DDC: variants seen among roughly 807,000 people sequenced by gnomAD.
DDC encodes the protein dopa decarboxylase, also known as aromatic-L-amino-acid decarboxylase.
In DDC, 43 loss-of-function variants were observed where a neutral mutation model predicts 60.0. The observed-to-expected ratio is 0.72, with a 90% CI of 0.56 to 0.92. DDC has a LOEUF of 0.92. Ranked by LOEUF, DDC falls within the 40% of genes least tolerant of loss-of-function variation. The pLI is 0.00. For synonymous variants in DDC, 232 were observed against 234.6 expected (o/e 0.99, Z 0.10); for missense variants, 573 against 620.2 (o/e 0.92, Z 0.81).
intron 7 of DDC, among the ~76,000 whole-genome samples, chr7:50,500,154 G>A (rs2043216548): frequency 6.6e-6 from 1 of 151,940 alleles, no homozygotes; most frequent in Non-Finnish European, 1.5e-5. Flanking sequence ...CACCTCACAG[G>A]GTGGATACCA....
At chr7:50,559,007 A>C (rs1282643831) in intron 1 of DDC, among the ~76,000 whole-genome samples, 1 of 152,190 alleles carries the variant, frequency 6.6e-6, no homozygotes, top group Admixed American at 6.5e-5. Flanking sequence ...GCTGCCCTCC[A>C]TGCCCCAAGA....
chr7:50,474,526 G>T (rs186868408), intron 11 of DDC, among the ~76,000 whole-genome samples: 1 of 152,318 alleles, frequency 6.6e-6, no homozygotes, highest in East Asian at 1.9e-4. Flanking sequence ...TCCTGCAGGC[G>T]GGTGCCAGTA....
intron 1 of DDC, among the ~76,000 whole-genome samples, chr7:50,549,894 A>G (rs56670620): frequency 0.18 from 27,640 of 152,150 alleles, 2,858 homozygotes; most frequent in Admixed American, 0.3. Context: ...GTTGCTTCTC[A>G]TGGATGAGCA....
chr7:50,528,102 T>C (rs1585235375), intron 6 of DDC, 35 bp downstream of exon 6: 1 of 1,610,762 alleles, frequency 6.2e-7, no homozygotes. Context: ...AGTTTCACCT[T>C]ATTGGCCAGG....
chr7:50,532,880 G>A (rs1473830911), intron 4 of DDC, among the ~76,000 whole-genome samples: 1 of 152,194 alleles, frequency 6.6e-6, no homozygotes, highest in Non-Finnish European at 1.5e-5. Context: ...TTAGTGGGGA[G>A]CATGAATGTT....
chr7:50,541,693 G>A lies in DDC; in HGVS notation c.202-1665C>T, dbSNP rs535283162. Among the ~76,000 whole-genome samples, 5 of 152,288 alleles carry A rather than the reference G, an allele frequency of 3.3e-5. 1 individual carries two copies. The East Asian group carries it at 7.7e-4, about 23-fold the overall frequency. On this transcript the variant is annotated intron_variant, in intron 2 of 14. Transcript: ENST00000444124. ...AGACTTCCTGTCTCTAGAACTGTGAGAAATCAATGTTGTTTAAGCCCCCAG... is the reference window on the plus strand; with the variant it reads ...AGACTTCCTGTCTCTAGAACTGTGAAAAATCAATGTTGTTTAAGCCCCCAG...
chr7:50,494,591 GA>G (rs562491116), intron 9 of DDC, among the ~76,000 whole-genome samples: 1,878 of 138,232 alleles, frequency 0.014, 14 homozygotes, highest in African/African-American at 0.022. Flanking sequence ...ACACTGTCTC[GA>G]AAAAAAAAAA....
chr7:50,479,819 G>A lies in DDC; in HGVS notation c.989C>T (p.Pro330Leu). Reference sequence around the variant, plus strand: ...CTGATGGCTGTGCTTCAGGTAAGTGGGGTCCAGTCTAAAGGCTCCCGTTAA... The same window carrying A: ...CTGATGGCTGTGCTTCAGGTAAGTGAGGTCCAGTCTAAAGGCTCCCGTTAA... Reference protein sequence around the residue: ...TDLTGAFRLDPTYLKHSHQDS... With the variant: ...TDLTGAFRLDLTYLKHSHQDS... The change falls in exon 10 of 15, where the codon CCC becomes CTC. Residue 330 changes from proline (P) to leucine (L), a missense_variant. Pro to Leu is a moderately conservative substitution (Grantham distance 98). Coordinates refer to ENST00000444124, the MANE Select transcript of DDC (RefSeq NM_001082971.2). 1.2e-6 allele frequency: 2 copies of A among 1,613,740 alleles called. No individual in the cohort carries two copies. Among genetic ancestry groups the A allele is most frequent in the Non-Finnish European group, 1.7e-6 (2 of 1,180,004 alleles).
intron 9 of DDC, 162 bp from the exon 10 acceptor site, chr7:50,480,025 G>T: frequency 1.5e-6 from 1 of 654,010 alleles, no homozygotes. Flanking sequence ...ACCTGGGGAG[G>T]GCGTCTTAGA....
At chr7:50,466,061 G>A (rs370996641) in intron 13 of DDC, among the ~76,000 whole-genome samples, 4 of 152,334 alleles carry the variant, frequency 2.6e-5, no homozygotes, top group African/African-American at 9.6e-5. Context: ...GGACATAGTA[G>A]GTGGAGTGGC....
intron 6 of DDC, among the ~76,000 whole-genome samples, chr7:50,508,689 A>G (rs996276445): frequency 6.6e-6 from 1 of 152,224 alleles, no homozygotes; most frequent in African/African-American, 2.4e-5. Flanking sequence ...CTTTGAGAAT[A>G]TAATGAAGAC....
At chr7:50,475,182 G>A (rs2042614156) in intron 11 of DDC, among the ~76,000 whole-genome samples, 1 of 152,338 alleles carries the variant, frequency 6.6e-6, no homozygotes, top group African/African-American at 2.4e-5. Flanking sequence ...GAAAGGCCAC[G>A]AACCAGAGGA....
intron 6 of DDC, among the ~76,000 whole-genome samples, chr7:50,513,535 C>G (rs1392899350): frequency 6.6e-6 from 1 of 152,176 alleles, no homozygotes; most frequent in Non-Finnish European, 1.5e-5. Context: ...AGGGGAAAAA[C>G]CAAGCCCTTT....
At chr7:50,549,166 T>C (rs1011699493) in intron 1 of DDC, among the ~76,000 whole-genome samples, 2 of 152,196 alleles carry the variant, frequency 1.3e-5, no homozygotes, top group African/African-American at 4.8e-5. Flanking sequence ...ACAAGGAAAT[T>C]AATGTTTTCA....
chr7:50,548,138 A>T (rs974371942), intron 1 of DDC, among the ~76,000 whole-genome samples: 2 of 152,150 alleles, frequency 1.3e-5, no homozygotes, highest in African/African-American at 2.4e-5. Flanking sequence ...TGAACCACTG[A>T]CCCATTATTC....
At chr7:50,475,693 A>T (rs1202735556) in intron 11 of DDC, among the ~76,000 whole-genome samples, 1 of 144,166 alleles carries the variant, frequency 6.9e-6, no homozygotes, top group East Asian at 2.0e-4. Context: ...GACACAGGTC[A>T]TTTTTTTTTT....
At chr7:50,525,089 T>G (rs575730556) in intron 6 of DDC, among the ~76,000 whole-genome samples, 1 of 152,364 alleles carries the variant, frequency 6.6e-6, no homozygotes, top group East Asian at 1.9e-4. Context: ...TCTTGAAATG[T>G]CACATATTGT....
At chr7:50,526,895 C>T (rs933663894) in intron 6 of DDC, among the ~76,000 whole-genome samples, 2 of 152,134 alleles carry the variant, frequency 1.3e-5, no homozygotes, top group African/African-American at 2.4e-5. Flanking sequence ...TAGTGATAAA[C>T]GATCATTCAC....
chr7:50,477,325 C>A (rs1012005840), intron 10 of DDC, among the ~76,000 whole-genome samples: 1 of 152,200 alleles, frequency 6.6e-6, no homozygotes, highest in Admixed American at 6.5e-5. Flanking sequence ...TGATCCTGCA[C>A]AAGACATCAG....
Sources: gnomAD v4.1 joint callset for allele counts (sites outside exome capture counted in the v4.1 genomes callset) on GRCh38, gnomAD v4.1.1 for gene constraint, MANE v1.5 for transcripts, NCBI Gene and HGNC (gene_info 2026-07-23, HGNC 2026-07-21) for gene names.